SLC27A1: variants seen among roughly 807,000 people sequenced by gnomAD.
SLC27A1 encodes the protein solute carrier family 27 member 1, also known as long-chain fatty acid transport protein 1.
In SLC27A1, 61 loss-of-function variants were observed where a neutral mutation model predicts 62.2. That is an observed-to-expected ratio of 0.98 (90% CI 0.80 to 1.21). The LOEUF is 1.21. Among genes scored for constraint, SLC27A1 ranks in the 50% most tolerant of loss-of-function variants. The pLI is 0.00. For missense variants in SLC27A1, 903 were observed against 932.1 expected (o/e 0.97, Z 0.41); for synonymous variants, 435 against 408.6 (o/e 1.06, Z -0.78).
rs1438863073 is a variant in SLC27A1, at chr19:17,504,728, G to A, written c.*116G>A. 1 of 1,350,520 alleles carries A rather than the reference G, an allele frequency of 7.4e-7. No homozygotes were observed. The allele number at this position is 1,350,520 out of a possible 1,614,324, so 83.7% of individuals were successfully genotyped here. ...ACACCCACCTGGCCGAGCTGTACCT[G>A]GCACGGCCCATCCTGGACTGAGAAA... On this transcript the variant is annotated 3_prime_UTR_variant, in exon 12 of 12. Coordinates refer to ENST00000252595, the MANE Select transcript of SLC27A1 (RefSeq NM_198580.3).
intron 6 of SLC27A1, 49 bp downstream of exon 6, chr19:17,489,166 C>T: frequency 6.6e-7 from 1 of 1,506,966 alleles, no homozygotes; most frequent in Non-Finnish European, 9.1e-7. Flanking sequence ...CCAGCCAGGC[C>T]TCACCCCCTC....
In SLC27A1 at chr19:17,486,739, C is replaced by T. The variant is rs781002757; in HGVS notation, c.344C>T (p.Ala115Val). Residue 115 changes from alanine (A) to valine (V), a missense_variant, in exon 2 of 12, where the codon GCG becomes GTG. Coordinates refer to ENST00000252595, the MANE Select transcript of SLC27A1 (RefSeq NM_198580.3). This position sits in a 1 kb window ranked among gnomAD's most constrained non-coding sequence, Gnocchi z 6.6. ...TFAQLDAYSNAVANLFRQLGF... is the reference protein window; with the variant it reads ...TFAQLDAYSNVVANLFRQLGF... ...GCGCAGCTGGACGCCTACTCCAATG[C>T]GGTAGCCAACCTCTTCCGCCAGCTG... is the stretch of plus-strand genomic sequence containing the variant. 2 of 1,611,018 alleles carry T rather than the reference C, an allele frequency of 1.2e-6. No homozygotes were observed. Among genetic ancestry groups the T allele is most frequent in the Non-Finnish European group, 1.7e-6 (2 of 1,178,788 alleles).
intron 6 of SLC27A1, among the ~76,000 whole-genome samples, chr19:17,493,715 C>G (rs954922312): frequency 4.0e-5 from 6 of 148,794 alleles, no homozygotes; most frequent in Admixed American, 4.0e-4. Flanking sequence ...ACCTCCTTCT[C>G]CTGGGTTCAA....
rs771153642 is a variant in SLC27A1, at chr19:17,501,334, C to T, written c.1698C>T (p.Asn566=). The change falls in exon 11 of 12, where the codon AAC becomes AAT. Residue 566 remains asparagine, a synonymous_variant. Transcript: ENST00000252595. ...ACCCCCACAGCCTGCTGGACCCCAACGCGATATACCAGGAGCTGCAGAAGG... is the reference window on the plus strand; with the variant it reads ...ACCCCCACAGCCTGCTGGACCCCAATGCGATATACCAGGAGCTGCAGAAGG... The part of the protein sequence containing the change: ...VADPHSLLDP[N]AIYQELQKVL... 1.7e-5 allele frequency: 28 copies of T among 1,613,916 alleles called. No homozygotes were observed. The highest frequency in any genetic ancestry group is 4.0e-5 in the African/African-American group (3 of 74,930).
At position 17,500,290 on chromosome 19, in the gene SLC27A1, G is replaced by A. The variant is rs950915697; in HGVS notation, c.1219G>A (p.Gly407Ser). ...CACCCCATTCCAGGTCGGCTCCTGT[G>A]GTTTCAACAGCCGCATCCTGCCCCA... ...ANMDGKVGSC[G>S]FNSRILPHVY... The change falls in exon 8 of 12, where the codon GGT becomes AGT. Residue 407 changes from glycine (G) to serine (S), a missense_variant. Physicochemically the swap from Gly to Ser is moderately conservative, Grantham distance 56. Coordinates refer to ENST00000252595, the MANE Select transcript of SLC27A1 (RefSeq NM_198580.3). 8.7e-6 allele frequency: 14 copies of A among 1,614,004 alleles called. No homozygotes were observed. Among genetic ancestry groups the A allele is most frequent in the Non-Finnish European group, 1.1e-5 (13 of 1,179,984 alleles).
At chr19:17,493,818 G>T (rs2075320318) in intron 6 of SLC27A1, among the ~76,000 whole-genome samples, 1 of 151,808 alleles carries the variant, frequency 6.6e-6, no homozygotes, top group South Asian at 2.1e-4. Flanking sequence ...TAGAGACGGG[G>T]TTTCACCATG....
rs1328117090 is a variant in SLC27A1 at position 17,470,562 on chromosome 19, G to C, written c.22G>C (p.Ala8Pro). 2.6e-6 allele frequency: 4 copies of C among 1,564,658 alleles called. No homozygotes were observed. In the Admixed American group the frequency reaches 7.2e-5, roughly 28 times the overall value. Residue 8 changes from alanine (A) to proline (P), a missense_variant, in exon 1 of 12, where the codon GCG (alanine) becomes CCG (proline). By Grantham distance (27) the Ala-to-Pro change is conservative. Transcript: ENST00000252595. The stretch of plus-strand genomic sequence containing the variant: ...CAGGATGCGGGCTCCGGGTGCGGGC[G>C]CGGCCTCGGTGGTCTCGCTGGCGCT... MRAPGAG[A>P]ASVVSLALLW... is the part of the protein sequence containing the mutation.
intron 1 of SLC27A1, among the ~76,000 whole-genome samples, chr19:17,477,181 G>A (rs1483512486): frequency 1.4e-5 from 2 of 146,286 alleles, no homozygotes; most frequent in African/African-American, 2.5e-5. Context: ...GAGCTACTAT[G>A]TCTAGCTGAG....
At chr19:17,494,320 GC>G (rs2075326326) in intron 6 of SLC27A1, among the ~76,000 whole-genome samples, 1 of 149,586 alleles carries the variant, frequency 6.7e-6, no homozygotes, top group Non-Finnish European at 1.5e-5. Flanking sequence ...ACCGTGCCTG[GC>G]CTTTTTCTTT....
Position 17,497,287 on chromosome 19 carries a change from C to A in SLC27A1, c.1029C>A (p.Tyr343Ter), listed in dbSNP as rs1227320000. ...VVQYIGEICR[Y>*]LLKQPVREAE... is the part of the protein sequence containing the mutation. The stretch of plus-strand genomic sequence containing the variant: ...AGTACATCGGGGAGATCTGCCGCTA[C>A]CTGCTGAAGCAGCCGGTGCGCGAGG... The change falls in exon 7 of 12, where the codon TAC becomes TAA. Residue 343 changes from tyrosine to a stop codon, truncating the protein, a stop_gained. Coordinates refer to ENST00000252595, the MANE Select transcript of SLC27A1 (RefSeq NM_198580.3). LOFTEE classifies it high-confidence loss of function. The A allele has an allele frequency of 6.2e-7, 1 of 1,606,102 alleles. No homozygotes were observed.
At chr19:17,494,138 C>T (rs1187557412) in intron 6 of SLC27A1, among the ~76,000 whole-genome samples, 1 of 149,246 alleles carries the variant, frequency 6.7e-6, no homozygotes, top group Non-Finnish European at 1.5e-5. Context: ...CCTGCCTCAG[C>T]CTCCTGAGTA....
Position 17,504,630 on chromosome 19 carries a change from C to T in SLC27A1, c.*18C>T, listed in dbSNP as rs770073559. 5 of 1,613,714 alleles carry T rather than the reference C, an allele frequency of 3.1e-6. No individual in the cohort carries two copies. The highest frequency in any genetic ancestry group is 4.2e-6 in the Non-Finnish European group (5 of 1,179,944). On this transcript the variant is annotated 3_prime_UTR_variant, in exon 12 of 12. Coordinates refer to ENST00000252595, the MANE Select transcript of SLC27A1 (RefSeq NM_198580.3). The stretch of plus-strand genomic sequence containing the variant: ...CCCTCTGAAGCTGTTCCTCTACTGG[C>T]CACAAACTCTGGGCCTGGTGGGAGA...
At chr19:17,480,354 T>C (rs114164864) in intron 1 of SLC27A1, among the ~76,000 whole-genome samples, 2,584 of 151,320 alleles carry the variant, frequency 0.017, 73 homozygotes, top group African/African-American at 0.06. Flanking sequence ...TTGAGACATA[T>C]ATTTCTATTG....
At chr19:17,473,521 C>T (rs2075095965) in intron 1 of SLC27A1, among the ~76,000 whole-genome samples, 1 of 152,138 alleles carries the variant, frequency 6.6e-6, no homozygotes, top group Non-Finnish European at 1.5e-5. Flanking sequence ...GACATTTTGG[C>T]CTCTGGTTGG....
At chr19:17,473,633 G>A (rs892912216) in intron 1 of SLC27A1, among the ~76,000 whole-genome samples, 7 of 152,262 alleles carry the variant, frequency 4.6e-5, no homozygotes, top group Admixed American at 6.5e-5. Flanking sequence ...AGGCCGAAGC[G>A]GGTGGATCAC....
In SLC27A1 at chr19:17,500,316, C is replaced by G; in HGVS notation, c.1245C>G (p.His415Gln). 6.2e-7 allele frequency: 1 copy of G among 1,614,230 alleles called. No individual in the cohort carries two copies. Among genetic ancestry groups the G allele is most frequent in the Admixed American group, 1.7e-5 (1 of 60,020 alleles). ...SCGFNSRILP[H>Q]VYPIRLVKVN... The stretch of plus-strand genomic sequence containing the variant: ...GTTTCAACAGCCGCATCCTGCCCCA[C>G]GTGTACCCCATCCGGCTGGTGAAGG... Residue 415 changes from histidine (H) to glutamine (Q), a missense_variant, in exon 8 of 12, where the codon CAC becomes CAG. Physicochemically the swap from His to Gln is conservative, Grantham distance 24 (BLOSUM62 0). Coordinates refer to ENST00000252595, the MANE Select transcript of SLC27A1 (RefSeq NM_198580.3).
chr19:17,490,890 G>C (rs372538068), intron 6 of SLC27A1, among the ~76,000 whole-genome samples: 1 of 152,026 alleles, frequency 6.6e-6, no homozygotes, highest in African/African-American at 2.4e-5. Context: ...GTAGCCTGGC[G>C]TGGTGGTTGG....
intron 6 of SLC27A1, among the ~76,000 whole-genome samples, chr19:17,492,862 C>T (rs543668199): frequency 3.3e-5 from 5 of 152,020 alleles, no homozygotes; most frequent in African/African-American, 9.6e-5. Flanking sequence ...TGCTTGAACC[C>T]GGGAGGTGGA....
chr19:17,500,537 C>G lies in SLC27A1; in HGVS notation c.1376C>G (p.Pro459Arg). The change falls in exon 9 of 12, where the codon CCG (proline) becomes CGG (arginine). Residue 459 changes from proline to arginine, a missense_variant. Physicochemically the swap from Pro to Arg is moderately radical, Grantham distance 103. Transcript: ENST00000252595. ...GTGGGTCAGATCAACCAACAGGACC[C>G]GCTGCGCCGCTTCGATGGCTATGTC... Reference protein sequence around the residue: ...LLVGQINQQDPLRRFDGYVSE... With the variant: ...LLVGQINQQDRLRRFDGYVSE... The G allele has an allele frequency of 6.2e-7, 1 of 1,613,372 alleles. No homozygotes were observed. Among genetic ancestry groups the G allele is most frequent in the South Asian group, 1.1e-5 (1 of 91,026 alleles).
Sources: gnomAD v4.1 joint callset for allele counts (sites outside exome capture counted in the v4.1 genomes callset) on GRCh38, gnomAD v4.1.1 for gene constraint, Gnocchi (gnomAD v3.1) non-coding constraint, MANE v1.5 for transcripts, NCBI Gene and HGNC (gene_info 2026-07-23, HGNC 2026-07-21) for gene names.